RNF180: variants seen among roughly 807,000 people sequenced by gnomAD.
RNF180 encodes E3 ubiquitin-protein ligase RNF180.
Under a neutral mutation model 59.2 loss-of-function variants are expected in RNF180, and 38 were observed. That is an observed-to-expected ratio of 0.64 (90% CI 0.50 to 0.84). The LOEUF (loss-of-function observed/expected upper bound fraction) is 0.84. Ranked by LOEUF, RNF180 falls within the 40% of genes least tolerant of loss-of-function variation. RNF180 has a pLI of 0.00. For missense variants in RNF180, 705 were observed against 700.9 expected (o/e 1.01, Z -0.07); for synonymous variants, 262 against 240.3 (o/e 1.09, Z -0.84).
At chr5:64,357,968 C>T (rs1291022092) in intron 7 of RNF180, among the ~76,000 whole-genome samples, 1 of 151,830 alleles carries the variant, frequency 6.6e-6, no homozygotes, top group East Asian at 1.9e-4. Flanking sequence ...GTCCTTCTTG[C>T]TCTTTGATTT....
rs189250788 is a variant in RNF180, at chr5:64,370,532, A to G, written c.*718A>G. 2.0e-4 allele frequency: 31 copies of G among 151,856 alleles called. No individual in the cohort carries two copies. Among genetic ancestry groups the G allele is most frequent in the Admixed American group, 4.6e-4 (7 of 15,184 alleles). 9.4% of individuals were successfully genotyped at this position (151,856 alleles called of 1,614,324 possible). A position where few individuals can be genotyped will look rare whatever the true frequency, so the allele number is the denominator to read the frequency against. On this transcript the variant is annotated 3_prime_UTR_variant, in exon 8 of 8. Transcript: ENST00000389100. ...TTACCGACTTTTAGTAGTCTAAAAG[A>G]GCAATGCATGGTCCAAAATGTAATT...
At chr5:64,198,003 G>A (rs777017996) in intron 1 of RNF180, among the ~76,000 whole-genome samples, 1 of 152,110 alleles carries the variant, frequency 6.6e-6, no homozygotes, top group Non-Finnish European at 1.5e-5. Flanking sequence ...AGCCAACCAT[G>A]CAGAGACCCA....
chr5:64,314,578 G>T (rs1053570637), intron 5 of RNF180, among the ~76,000 whole-genome samples: 1 of 151,700 alleles, frequency 6.6e-6, no homozygotes, highest in African/African-American at 2.4e-5. Flanking sequence ...AGAGCCCAGC[G>T]AACTTTTGTC....
chr5:64,253,120 A>T (rs566511963), intron 5 of RNF180, among the ~76,000 whole-genome samples: 1 of 152,212 alleles, frequency 6.6e-6, no homozygotes, highest in South Asian at 2.1e-4. Flanking sequence ...TACACAGAGA[A>T]AATCAGAGCT....
At position 64,305,282 on chromosome 5, in the gene RNF180, CTTAT is replaced by C. The variant is rs1743381601; in HGVS notation, c.1228-19900_1228-19897del. On this transcript the variant is annotated intron_variant, in intron 5 of 7. Coordinates refer to ENST00000389100, the MANE Select transcript of RNF180 (RefSeq NM_001113561.2). Reference sequence around the variant, plus strand: ...CTGGGTCAGCCTTTGTTTCTCAGAGCTTATTTAACTTTTATCTTTCACTGGTTGA... The same window carrying C: ...CTGGGTCAGCCTTTGTTTCTCAGAGCTTAACTTTTATCTTTCACTGGTTGA... Among the ~76,000 whole-genome samples the C allele has an allele frequency of 2.0e-5, 3 of 151,528 alleles. No individual in the cohort carries two copies. The South Asian group carries it at 6.2e-4, about 31-fold the overall frequency.
chr5:64,223,722 A>G (rs1182489494), intron 5 of RNF180, among the ~76,000 whole-genome samples: 2 of 152,038 alleles, frequency 1.3e-5, no homozygotes, highest in African/African-American at 4.8e-5. Context: ...TTACTATCAT[A>G]TATCTTTATT....
rs771630975 is a variant in RNF180, at chr5:64,212,048, T to A, written c.136-17T>A. 44 of 1,397,700 alleles carry A rather than the reference T, an allele frequency of 3.1e-5. No individual in the cohort carries two copies. Among genetic ancestry groups the A allele is most frequent in the Non-Finnish European group, 4.4e-5 (43 of 988,240 alleles). 86.6% of individuals were successfully genotyped at this position (1,397,700 alleles called of 1,614,324 possible). Reference sequence around the variant, plus strand: ...CTGAACTGGTAATTAGTAATATCATTTATTTTTATTTAACAGGATAAAGAT... The same window carrying A: ...CTGAACTGGTAATTAGTAATATCATATATTTTTATTTAACAGGATAAAGAT... On this transcript the variant is annotated splice_polypyrimidine_tract_variant and intron_variant, in intron 2 of 7. Coordinates refer to ENST00000389100, the MANE Select transcript of RNF180 (RefSeq NM_001113561.2).
chr5:64,268,889 T>G (rs1462020975), intron 5 of RNF180, among the ~76,000 whole-genome samples: 1 of 152,156 alleles, frequency 6.6e-6, no homozygotes, highest in Non-Finnish European at 1.5e-5. Flanking sequence ...CAAGAGCCCT[T>G]CTCTGAAACC....
At position 64,177,515 on chromosome 5, in the gene RNF180, A is replaced by C. The variant is rs1292820889; in HGVS notation, c.-1+11562A>C. Among the ~76,000 whole-genome samples the C allele has an allele frequency of 4.5e-5, 6 of 133,906 alleles. No individual in the cohort carries two copies. In the East Asian group the frequency reaches 1.4e-3, roughly 32 times the overall value. 87.8% of individuals were successfully genotyped at this position (133,906 alleles called of 152,430 possible). A position where few individuals can be genotyped will look rare whatever the true frequency, so the allele number is the denominator to read the frequency against. ...CTCTATCTAGATTTTTTTCAAAGGC[A>C]TAAATTATGCCATATATATATATAT... On this transcript the variant is annotated intron_variant, in intron 1 of 7. Transcript: ENST00000389100.
intron 5 of RNF180, among the ~76,000 whole-genome samples, chr5:64,251,317 C>T (rs938076384): frequency 2.0e-5 from 3 of 152,118 alleles, no homozygotes; most frequent in Non-Finnish European, 4.4e-5. Flanking sequence ...CACTTTTTAT[C>T]GTTACCATAC....
chr5:64,258,691 A>G (rs879846420), intron 5 of RNF180, among the ~76,000 whole-genome samples: 1 of 152,182 alleles, frequency 6.6e-6, no homozygotes, highest in Admixed American at 6.5e-5. Context: ...GGCTTTATAC[A>G]TATGTATGTT....
At chr5:64,268,069 T>C (rs1158984258) in intron 5 of RNF180, among the ~76,000 whole-genome samples, 1 of 152,206 alleles carries the variant, frequency 6.6e-6, no homozygotes, top group Non-Finnish European at 1.5e-5. Context: ...CTTGATTTCT[T>C]GAAACATGAT....
At chr5:64,168,274 T>G (rs1201353826) in intron 1 of RNF180, among the ~76,000 whole-genome samples, 3 of 152,234 alleles carry the variant, frequency 2.0e-5, no homozygotes, top group Non-Finnish European at 4.4e-5. Context: ...TAAAACTCAG[T>G]TCTACCTTCA....
intron 5 of RNF180, among the ~76,000 whole-genome samples, chr5:64,252,638 A>AT (rs1213169740): frequency 2.6e-5 from 4 of 152,158 alleles, no homozygotes; most frequent in Non-Finnish European, 5.9e-5. Context: ...GCTGTTAAGT[A>AT]TACAGATGGA....
intron 2 of RNF180, among the ~76,000 whole-genome samples, chr5:64,205,699 C>G (rs1359217123): frequency 6.6e-6 from 1 of 151,886 alleles, no homozygotes; most frequent in East Asian, 1.9e-4. Context: ...ATGAGATTAC[C>G]ATGCAGTGTA....
At chr5:64,217,071 G>T (rs1328543444) in intron 4 of RNF180, among the ~76,000 whole-genome samples, 1 of 152,042 alleles carries the variant, frequency 6.6e-6, no homozygotes, top group East Asian at 1.9e-4. Context: ...TGATAATGTT[G>T]TAAAATATTA....
intron 7 of RNF180, among the ~76,000 whole-genome samples, chr5:64,359,434 C>G (rs1030355180): frequency 2.0e-5 from 3 of 152,096 alleles, no homozygotes; most frequent in Admixed American, 2.0e-4. Context: ...AAATGCCTTC[C>G]TTTGAGAAGT....
At chr5:64,333,138 A>G (rs1043679973) in intron 7 of RNF180, among the ~76,000 whole-genome samples, 5 of 152,172 alleles carry the variant, frequency 3.3e-5, no homozygotes, top group African/African-American at 4.8e-5. Flanking sequence ...TTTAATATCT[A>G]GAGATTTGGT....
At chr5:64,364,838 T>A (rs976004529) in intron 7 of RNF180, among the ~76,000 whole-genome samples, 1 of 151,736 alleles carries the variant, frequency 6.6e-6, no homozygotes, top group Non-Finnish European at 1.5e-5. Flanking sequence ...TGTTGTAGAT[T>A]TTCTAGTTTG....
Sources: allele counts gnomAD v4.1 joint callset (sites outside exome capture counted in the v4.1 genomes callset), GRCh38; gene constraint gnomAD v4.1.1; transcripts MANE v1.5; gene names NCBI Gene and HGNC (gene_info 2026-07-23, HGNC 2026-07-21).